The following MYO18B variants were observed in gnomAD, a reference collection of about 807,000 sequenced individuals.
MYO18B encodes unconventional myosin-XVIIIb.
Under a neutral mutation model 273.0 loss-of-function variants are expected in MYO18B, and 204 were observed. That is an observed-to-expected ratio of 0.75 (90% CI 0.67 to 0.84). The LOEUF (loss-of-function observed/expected upper bound fraction) is 0.84, where lower values mean the gene tolerates loss of function less well. Ranked by LOEUF, MYO18B falls within the 40% of genes least tolerant of loss-of-function variation. The pLI, the probability that MYO18B is intolerant of heterozygous loss-of-function variation, is 0.00. For missense variants in MYO18B, 3,212 were observed against 3,287.6 expected, an observed-to-expected ratio of 0.98 and a Z score of 0.56; for synonymous variants, 1,330 against 1,305.7, an observed-to-expected ratio of 1.02 and a Z score of -0.40.
intron 35 of MYO18B, among the ~76,000 whole-genome samples, 192 bp from the exon 36 acceptor site, chr22:25,947,520 A>G (rs978180842): frequency 6.8e-6 from 1 of 147,234 alleles, no homozygotes; most frequent in African/African-American, 2.7e-5. Context: ...ACACACACAC[A>G]CACACACACA....
chr22:26,045,416 G>A, the MYO18B span, among the ~76,000 whole-genome samples: 1 of 152,160 alleles, frequency 6.6e-6, no homozygotes, highest in Admixed American at 6.5e-5. Flanking sequence ...AAAGGCTTTA[G>A]ACCTCAATGT....
Position 25,997,957 on chromosome 22 carries a change from A to AC in MYO18B, c.6288-5308_6288-5307insC, listed in dbSNP as rs373288672. 4.3e-3 allele frequency among the ~76,000 whole-genome samples: 606 copies of AC among 142,364 alleles called. 4 individuals carry two copies. Among genetic ancestry groups the AC allele is most frequent in the African/African-American group, 0.015 (565 of 36,860 alleles). The allele number at this position is 142,364 out of a possible 152,430, so 93.4% of individuals were successfully genotyped here. ...AACACACACACACACACACACACAC[A>AC]AACACACACACACACACACACGAGA... On this transcript the variant is annotated intron_variant, in intron 40 of 43. Transcript: ENST00000335473.
intron 42 of MYO18B, among the ~76,000 whole-genome samples, chr22:26,008,721 C>T (rs1934640383): frequency 6.6e-6 from 1 of 152,152 alleles, no homozygotes; most frequent in East Asian, 1.9e-4. Context: ...TCAGGAGTTT[C>T]TCTTAACATC....
At chr22:25,953,707 C>G (rs1348451838) in intron 38 of MYO18B, 2 of 152,104 alleles carry the variant, frequency 1.3e-5, no homozygotes, top group African/African-American at 4.8e-5. Flanking sequence ...ATATCACATG[C>G]CATTTTAAAA....
intron 33 of MYO18B, among the ~76,000 whole-genome samples, chr22:25,915,045 TTA>T (rs959505824): frequency 3.3e-5 from 5 of 149,774 alleles, no homozygotes; most frequent in African/African-American, 1.3e-4. Context: ...CTCAACAAAT[TTA>T]AAAAAAAAAA....
At chr22:25,930,098 G>C (rs547187485) in intron 34 of MYO18B, among the ~76,000 whole-genome samples, 4 of 152,212 alleles carry the variant, frequency 2.6e-5, no homozygotes, top group Admixed American at 2.6e-4. Context: ...CCCTTGGCTG[G>C]GTTCTTGCTT....
chr22:25,990,406 C>T (rs2093252167), intron 39 of MYO18B, among the ~76,000 whole-genome samples: 1 of 152,018 alleles, frequency 6.6e-6, no homozygotes, highest in East Asian at 1.9e-4. Flanking sequence ...AAAAATGAGG[C>T]CGGGTGCAGT....
chr22:25,919,808 C>A (rs759348486), intron 33 of MYO18B, among the ~76,000 whole-genome samples: 1 of 152,056 alleles, frequency 6.6e-6, no homozygotes, highest in Non-Finnish European at 1.5e-5. Context: ...TCAAAACCAG[C>A]AGTAGAGAAA....
At chr22:25,769,539 C>A in intron 4 of MYO18B, 111 bp downstream of exon 4, 2 of 1,001,842 alleles carry the variant, frequency 2.0e-6, no homozygotes, top group Non-Finnish European at 1.4e-6. Context: ...GGGGGGTGGG[C>A]AGGGAATTGG....
intron 25 of MYO18B, among the ~76,000 whole-genome samples, chr22:25,882,166 T>C (rs563532397): frequency 4.2e-4 from 49 of 115,546 alleles, no homozygotes; most frequent in African/African-American, 2.0e-3. Flanking sequence ...CTCCTTTATC[T>C]GTGTCCCAGC....
At chr22:25,895,902 C>T (rs548728363) in intron 28 of MYO18B, among the ~76,000 whole-genome samples, 1 of 151,378 alleles carries the variant, frequency 6.6e-6, no homozygotes, top group Admixed American at 6.6e-5. Flanking sequence ...CCAGTAGTCA[C>T]AGGTGTTCTG....
intron 42 of MYO18B, 33 bp from the exon 43 acceptor site, chr22:26,026,412 T>C (rs1387095289): frequency 1.3e-6 from 2 of 1,574,480 alleles, no homozygotes; most frequent in South Asian, 2.3e-5. Flanking sequence ...AATTGCACAA[T>C]TTCTACAGAC....
chr22:26,017,993 G>A (rs1308805987), intron 42 of MYO18B, among the ~76,000 whole-genome samples: 5 of 130,662 alleles, frequency 3.8e-5, no homozygotes, highest in Non-Finnish European at 8.1e-5. Context: ...TTTTTTTTGC[G>A]GGGGCAGGGG....
At chr22:25,992,854 T>C (rs1601779628) in intron 40 of MYO18B, among the ~76,000 whole-genome samples, 1 of 152,184 alleles carries the variant, frequency 6.6e-6, no homozygotes, top group Non-Finnish European at 1.5e-5. Context: ...ATTGCCAAGA[T>C]TGGACTATTT....
At chr22:26,045,330 G>T in the MYO18B span, among the ~76,000 whole-genome samples, 1 of 152,088 alleles carries the variant, frequency 6.6e-6, no homozygotes, top group African/African-American at 2.4e-5. Flanking sequence ...GGTCATCCGA[G>T]AAACAGACAC....
At chr22:25,816,914 G>T (rs1053382685) in intron 12 of MYO18B, among the ~76,000 whole-genome samples, 4 of 152,154 alleles carry the variant, frequency 2.6e-5, no homozygotes, top group African/African-American at 9.7e-5. Context: ...AAGTGAACCA[G>T]ATGCAGCAAG....
At chr22:25,797,917 T>C (rs2087994991) in intron 11 of MYO18B, 36 bp from the exon 12 acceptor site, 1 of 1,613,966 alleles carries the variant, frequency 6.2e-7, no homozygotes, top group Non-Finnish European at 8.5e-7. Context: ...TCCATCGCGA[T>C]GGCCTTGTTT....
At chr22:26,006,213 G>T (rs1310816169) in intron 42 of MYO18B, among the ~76,000 whole-genome samples, 1 of 152,104 alleles carries the variant, frequency 6.6e-6, no homozygotes, top group Non-Finnish European at 1.5e-5. Flanking sequence ...CAGATGAATT[G>T]CAGCCTAACC....
chr22:25,913,895 G>A (rs188545668), intron 33 of MYO18B, among the ~76,000 whole-genome samples: 9 of 152,206 alleles, frequency 5.9e-5, no homozygotes, highest in South Asian at 2.1e-4. Flanking sequence ...TATGGTTTGC[G>A]CTTTTATATC....
Sources: allele counts gnomAD v4.1 joint callset (sites outside exome capture counted in the v4.1 genomes callset), GRCh38; gene constraint gnomAD v4.1.1; transcripts MANE v1.5; gene names NCBI Gene and HGNC (gene_info 2026-07-23, HGNC 2026-07-21).